CAP2: variants seen among roughly 807,000 people sequenced by gnomAD.
CAP2 encodes the protein cyclase associated actin cytoskeleton regulatory protein 2.
A neutral mutation model predicts 57.7 loss-of-function variants in CAP2; 24 were observed. The ratio of observed to expected loss-of-function variants is 0.42; its 90% CI spans 0.30 to 0.58. The LOEUF (loss-of-function observed/expected upper bound fraction) is 0.58. CAP2 is among the 20% of genes least tolerant of loss of function. CAP2 has a pLI of 0.22. For missense variants in CAP2, 501 were observed against 590.3 expected, an observed-to-expected ratio of 0.85 and a Z score of 1.57; for synonymous variants, 194 against 207.2, an observed-to-expected ratio of 0.94 and a Z score of 0.55.
chr6:17,441,202 G>A (rs1229763821), intron 3 of CAP2, among the ~76,000 whole-genome samples: 1 of 151,174 alleles, frequency 6.6e-6, no homozygotes, highest in Non-Finnish European at 1.5e-5. Context: ...AGGCTATTTA[G>A]TTATATCGAA....
At chr6:17,532,198 T>TGG (rs145406537) in intron 7 of CAP2, among the ~76,000 whole-genome samples, 1 of 142,046 alleles carries the variant, frequency 7.0e-6, no homozygotes, top group East Asian at 2.1e-4. Context: ...AGGAGTGCAG[T>TGG]GGCACGATCT....
chr6:17,480,307 G>A (rs895444901), intron 4 of CAP2, among the ~76,000 whole-genome samples: 4 of 152,116 alleles, frequency 2.6e-5, no homozygotes, highest in Non-Finnish European at 5.9e-5. Flanking sequence ...CTATGAACAT[G>A]TATAATGTGA....
At chr6:17,426,470 G>C in intron 2 of CAP2, 120 bp from the exon 3 acceptor site, 1 of 701,302 alleles carries the variant, frequency 1.4e-6, no homozygotes, top group South Asian at 1.5e-5. Context: ...CCTGACCTCA[G>C]GTGATCTGCC....
intron 3 of CAP2, among the ~76,000 whole-genome samples, chr6:17,429,990 A>T (rs1056573313): frequency 6.6e-6 from 1 of 152,238 alleles, no homozygotes; most frequent in African/African-American, 2.4e-5. Flanking sequence ...AAAAGCCCTC[A>T]CATACCTGAT....
chr6:17,396,450 G>A (rs535026931), intron 1 of CAP2, among the ~76,000 whole-genome samples: 3 of 152,302 alleles, frequency 2.0e-5, no homozygotes, highest in Non-Finnish European at 4.4e-5. Context: ...TCCATACAGC[G>A]AGATATTATT....
chr6:17,498,744 T>C (rs879847986), intron 4 of CAP2, among the ~76,000 whole-genome samples: 1 of 152,100 alleles, frequency 6.6e-6, no homozygotes, highest in Non-Finnish European at 1.5e-5. Context: ...TTTATATTTT[T>C]TTGAGATGGA....
At chr6:17,453,224 T>C (rs1760461966) in intron 3 of CAP2, among the ~76,000 whole-genome samples, 1 of 152,176 alleles carries the variant, frequency 6.6e-6, no homozygotes, top group African/African-American at 2.4e-5. Context: ...CTTGGAAGAA[T>C]GCTAGAGGGA....
chr6:17,503,167 A>G (rs1407016371), intron 4 of CAP2, among the ~76,000 whole-genome samples: 1 of 152,160 alleles, frequency 6.6e-6, no homozygotes, highest in Non-Finnish European at 1.5e-5. Context: ...GGCTGCCCTA[A>G]CAAAGTACCA....
intron 4 of CAP2, among the ~76,000 whole-genome samples, chr6:17,497,811 C>G (rs963981254): frequency 5.3e-5 from 8 of 152,200 alleles, no homozygotes; most frequent in African/African-American, 1.9e-4. Flanking sequence ...AGTCAAGTAT[C>G]TATCAGAACA....
chr6:17,452,554 T>G (rs1041870042), intron 3 of CAP2, among the ~76,000 whole-genome samples: 4 of 152,186 alleles, frequency 2.6e-5, no homozygotes, highest in Non-Finnish European at 5.9e-5. Flanking sequence ...AAGGGGGCAG[T>G]TTGGATGTTG....
chr6:17,527,613 T>TTC lies in CAP2; in HGVS notation c.637-11655_637-11654insCT, dbSNP rs1193097933. Reference sequence around the variant, plus strand: ...GTTCTCTTTCTTTTTTTTTTTTTTTTTGAGACAAAGTCTTGCTCTGTCGCC... The same window carrying TTC: ...GTTCTCTTTCTTTTTTTTTTTTTTTTTCTGAGACAAAGTCTTGCTCTGTCGCC... On this transcript the variant is annotated intron_variant, in intron 7 of 12. Transcript: ENST00000229922. 2.6e-5 allele frequency among the ~76,000 whole-genome samples: 4 copies of TTC among 151,198 alleles called. No individual in the cohort carries two copies. In the East Asian group the frequency reaches 5.8e-4, roughly 22 times the overall value.
intron 3 of CAP2, among the ~76,000 whole-genome samples, chr6:17,433,632 G>A (rs1759799164): frequency 6.6e-6 from 1 of 152,236 alleles, no homozygotes; most frequent in African/African-American, 2.4e-5. Context: ...CCTTTGCACT[G>A]GCGTGGGCTC....
chr6:17,513,904 C>G lies in CAP2; in HGVS notation c.586C>G (p.Gln196Glu). 1.2e-6 allele frequency: 2 copies of G among 1,613,886 alleles called. No individual in the cohort carries two copies. Among genetic ancestry groups the G allele is most frequent in the South Asian group, 1.1e-5 (1 of 91,072 alleles). The stretch of plus-strand genomic sequence containing the variant: ...ATATTTGAACATTTGGAGTGAACTT[C>G]AAGCATACATCAAGGAACACCACAC... ...KSYLNIWSEL[Q>E]AYIKEHHTTG... The change falls in exon 7 of 13, where the codon CAA becomes GAA. Residue 196 changes from glutamine (Q) to glutamate (E), a missense_variant. Gln to Glu is a conservative substitution (Grantham distance 29). Coordinates refer to ENST00000229922, the MANE Select transcript of CAP2 (RefSeq NM_006366.3). The surrounding 1 kb of genome is among the most constrained non-coding windows in gnomAD (Gnocchi z 4.3).
chr6:17,476,506 A>T (rs1362181988), intron 4 of CAP2, among the ~76,000 whole-genome samples: 1 of 152,190 alleles, frequency 6.6e-6, no homozygotes, highest in East Asian at 1.9e-4. Flanking sequence ...GTTCAAAATC[A>T]TTCTGTAATT....
At chr6:17,396,991 A>G (rs1758680954) in intron 1 of CAP2, among the ~76,000 whole-genome samples, 1 of 152,156 alleles carries the variant, frequency 6.6e-6, no homozygotes, top group Non-Finnish European at 1.5e-5. Context: ...CAGTTTTATC[A>G]CATGTGTATG....
At chr6:17,495,209 GGCAGGGA>G (rs1761634983) in intron 4 of CAP2, among the ~76,000 whole-genome samples, 1 of 152,098 alleles carries the variant, frequency 6.6e-6, no homozygotes, top group South Asian at 2.1e-4. Flanking sequence ...AACAAAAGAG[GGCAGGGA>G]CATCAGAGTG....
intron 3 of CAP2, among the ~76,000 whole-genome samples, chr6:17,458,037 T>G (rs1201958038): frequency 6.6e-6 from 1 of 152,214 alleles, no homozygotes; most frequent in Non-Finnish European, 1.5e-5. Flanking sequence ...AGCCAAGCTG[T>G]GCAAAGTTGT....
At chr6:17,433,126 T>C (rs1759785283) in intron 3 of CAP2, among the ~76,000 whole-genome samples, 1 of 152,100 alleles carries the variant, frequency 6.6e-6, no homozygotes, top group Non-Finnish European at 1.5e-5. Flanking sequence ...AGAGTCTCTG[T>C]CTGTCACCTT....
At chr6:17,491,601 C>T (rs574568334) in intron 4 of CAP2, among the ~76,000 whole-genome samples, 3 of 152,268 alleles carry the variant, frequency 2.0e-5, no homozygotes, top group East Asian at 1.9e-4. Context: ...GTGAACGATA[C>T]GGTTTAAACC....
Sources: allele counts gnomAD v4.1 joint callset (sites outside exome capture counted in the v4.1 genomes callset), GRCh38; gene constraint gnomAD v4.1.1; non-coding constraint Gnocchi (gnomAD v3.1); transcripts MANE v1.5; gene names NCBI Gene and HGNC (gene_info 2026-07-23, HGNC 2026-07-21).